LANCL3: variants seen among roughly 807,000 people sequenced by gnomAD.
The protein encoded by LANCL3 is LanC like family member 3.
Under a neutral mutation model 26.5 loss-of-function variants are expected in LANCL3, and 19 were observed. The ratio of observed to expected loss-of-function variants is 0.72; its 90% CI spans 0.50 to 1.05. The LOEUF (loss-of-function observed/expected upper bound fraction) is 1.05, where lower values mean the gene tolerates loss of function less well. Among genes scored for constraint, LANCL3 ranks in the 50% least tolerant of loss-of-function variants. The pLI is 0.00. For missense variants in LANCL3, 318 were observed against 362.7 expected, an observed-to-expected ratio of 0.88 and a Z score of 1.00; for synonymous variants, 160 against 166.6, an observed-to-expected ratio of 0.96 and a Z score of 0.30.
chrX:37,612,523 T>G (rs1924903591), intron 1 of LANCL3, among the ~76,000 whole-genome samples: 2 of 112,458 alleles, frequency 1.8e-5, no homozygotes, highest in South Asian at 7.3e-4. Context: ...CTGTTCTCTT[T>G]AAACACTCAA....
At chrX:37,624,128 A>G (rs1337295953) in intron 1 of LANCL3, among the ~76,000 whole-genome samples, 1 of 111,416 alleles carries the variant, frequency 9.0e-6, no homozygotes, top group African/African-American at 3.3e-5. Context: ...AATTAAGACA[A>G]TTTTTTATCA....
chrX:37,582,586 G>A (rs372188503), intron 1 of LANCL3, among the ~76,000 whole-genome samples: 43 of 112,193 alleles, frequency 3.8e-4, no homozygotes, highest in African/African-American at 1.2e-3. Flanking sequence ...GTCTTCTTTT[G>A]AGAAGTGTCT....
chrX:37,646,475 A>G (rs1221363739), intron 1 of LANCL3, among the ~76,000 whole-genome samples: 2 of 112,815 alleles, frequency 1.8e-5, no homozygotes, highest in African/African-American at 6.4e-5. Flanking sequence ...CAAGTGAACT[A>G]CAACCCCAAA....
chrX:37,609,155 G>T (rs782574241), intron 1 of LANCL3, among the ~76,000 whole-genome samples: 1 of 112,147 alleles, frequency 8.9e-6, no homozygotes. Context: ...AGGTAAATTG[G>T]TGATAACAGC....
Position 37,683,556 on chromosome X carries a change from C to G in LANCL3, c.*7743C>G, listed in dbSNP as rs1926989097. 1 of 111,882 alleles carries G rather than the reference C, an allele frequency of 8.9e-6. No homozygotes were observed. The highest frequency in any genetic ancestry group is 9.5e-5 in the Admixed American group (1 of 10,565). The allele number at this position is 111,882 out of a possible 1,213,427, so 9.2% of individuals were successfully genotyped here. On this transcript the variant is annotated 3_prime_UTR_variant, in exon 5 of 5. Transcript: ENST00000378619. The stretch of plus-strand genomic sequence containing the variant: ...TGTATACAAGTAAAATTTTGAAAGA[C>G]TCGGACACAAAATGAAAGGCTTTTT...
intron 1 of LANCL3, among the ~76,000 whole-genome samples, chrX:37,603,334 A>C (rs955754724): frequency 7.2e-5 from 8 of 111,880 alleles, no homozygotes; most frequent in African/African-American, 2.6e-4. Flanking sequence ...TGAACATTGA[A>C]GTGGAGTGCT....
At chrX:37,610,140 G>C (rs1924827508) in intron 1 of LANCL3, among the ~76,000 whole-genome samples, 1 of 112,131 alleles carries the variant, frequency 8.9e-6, no homozygotes, top group African/African-American at 3.2e-5. Flanking sequence ...TTTTCAAGAT[G>C]CTCATTCACA....
At chrX:37,612,706 T>C (rs1924908032) in intron 1 of LANCL3, among the ~76,000 whole-genome samples, 1 of 111,963 alleles carries the variant, frequency 8.9e-6, no homozygotes, top group Non-Finnish European at 1.9e-5. Flanking sequence ...TGTCCCCTCG[T>C]TTTGGTAGGT....
chrX:37,582,754 T>C (rs1923936647), intron 1 of LANCL3, among the ~76,000 whole-genome samples: 1 of 111,830 alleles, frequency 8.9e-6, no homozygotes, highest in South Asian at 3.8e-4. Flanking sequence ...AATTTTCTCT[T>C]ATTCTGTAGG....
intron 1 of LANCL3, among the ~76,000 whole-genome samples, chrX:37,577,976 G>A (rs3126463): frequency 1.6e-3 from 175 of 111,687 alleles, no homozygotes; most frequent in African/African-American, 5.4e-3. Flanking sequence ...AGCAAGGAGT[G>A]GAAAACTAGG....
intron 1 of LANCL3, among the ~76,000 whole-genome samples, chrX:37,603,729 T>C (rs1431343917): frequency 8.9e-6 from 1 of 112,213 alleles, no homozygotes; most frequent in Non-Finnish European, 1.9e-5. Context: ...TGAACTTTTC[T>C]TTTCAGAGCA....
At chrX:37,608,482 G>A (rs1924775850) in intron 1 of LANCL3, among the ~76,000 whole-genome samples, 1 of 111,663 alleles carries the variant, frequency 9.0e-6, no homozygotes, top group Admixed American at 9.5e-5. Flanking sequence ...AGGGATAGGC[G>A]GGAAAATAAG....
intron 1 of LANCL3, among the ~76,000 whole-genome samples, chrX:37,632,810 T>A (rs1841878156): frequency 8.9e-6 from 1 of 112,400 alleles, no homozygotes; most frequent in Non-Finnish European, 1.9e-5. Context: ...GTAGAGTTTC[T>A]GCCAAGAGAT....
intron 1 of LANCL3, among the ~76,000 whole-genome samples, chrX:37,592,471 A>T (rs782096716): frequency 2.0e-4 from 23 of 112,541 alleles, no homozygotes; most frequent in African/African-American, 7.4e-4. Flanking sequence ...CTTGGAGGAA[A>T]CAGATAATAC....
intron 1 of LANCL3, among the ~76,000 whole-genome samples, chrX:37,583,404 G>T (rs1171876265): frequency 9.0e-6 from 1 of 111,587 alleles, no homozygotes; most frequent in African/African-American, 3.3e-5. Context: ...AAATTACCTT[G>T]GGCAGTATAG....
intron 1 of LANCL3, among the ~76,000 whole-genome samples, chrX:37,622,106 A>G (rs1556422330): frequency 9.0e-6 from 1 of 111,444 alleles, no homozygotes; most frequent in Non-Finnish European, 1.9e-5. Context: ...CTTCAACTTG[A>G]CATTTCCCTG....
chrX:37,602,862 T>C (rs1924607748), intron 1 of LANCL3, among the ~76,000 whole-genome samples: 2 of 111,951 alleles, frequency 1.8e-5, no homozygotes, highest in Admixed American at 9.5e-5. Context: ...TTGAAGGTGA[T>C]TGCCTTGTTT....
intron 1 of LANCL3, among the ~76,000 whole-genome samples, chrX:37,613,735 T>C (rs1924938281): frequency 8.9e-6 from 1 of 112,702 alleles, no homozygotes; most frequent in Non-Finnish European, 1.9e-5. Context: ...GCTTGTAATA[T>C]TCATTGCATT....
chrX:37,648,566 C>T (rs1220424520), intron 1 of LANCL3, among the ~76,000 whole-genome samples: 3 of 111,991 alleles, frequency 2.7e-5, no homozygotes, highest in East Asian at 2.8e-4. Context: ...GACTTCATGA[C>T]GAAAACGCCA....
Sources: allele counts gnomAD v4.1 joint callset (sites outside exome capture counted in the v4.1 genomes callset), GRCh38; gene constraint gnomAD v4.1.1; transcripts MANE v1.5; gene names NCBI Gene and HGNC (gene_info 2026-07-23, HGNC 2026-07-21).